The following HMBOX1 variants were observed in gnomAD, a reference collection of about 807,000 sequenced individuals.
HMBOX1 encodes the protein homeobox-containing protein 1.
HMBOX1 carries 14 observed loss-of-function variants against 54.5 expected under a neutral mutation model. The observed-to-expected ratio is 0.26, with a 90% CI of 0.17 to 0.40. The LOEUF (loss-of-function observed/expected upper bound fraction) is 0.40. HMBOX1 is among the 10% of genes least tolerant of loss of function. HMBOX1 has a pLI of 1.00. For synonymous variants in HMBOX1, 160 were observed against 181.0 expected (o/e 0.88, Z 0.93); for missense variants, 332 against 514.4 (o/e 0.65, Z 3.43).
chr8:28,923,263 C>T (rs1399005359), intron 1 of HMBOX1, among the ~76,000 whole-genome samples: 1 of 152,158 alleles, frequency 6.6e-6, no homozygotes, highest in Non-Finnish European at 1.5e-5. Context: ...TTCATATAAA[C>T]AGAATCACGC....
intron 4 of HMBOX1, among the ~76,000 whole-genome samples, chr8:29,007,232 T>G (rs1431648221): frequency 6.6e-6 from 1 of 151,626 alleles, no homozygotes; most frequent in East Asian, 1.9e-4. Context: ...GAGGTTGCAG[T>G]GAACCGAGAT....
intron 4 of HMBOX1, among the ~76,000 whole-genome samples, chr8:28,992,396 A>G (rs964991356): frequency 6.6e-6 from 1 of 152,104 alleles, no homozygotes. Flanking sequence ...GCAGGCAATC[A>G]TTTTTCATTC....
chr8:28,892,703 G>A (rs973095498), intron 1 of HMBOX1, among the ~76,000 whole-genome samples: 3 of 152,084 alleles, frequency 2.0e-5, no homozygotes, highest in South Asian at 2.1e-4. Context: ...GACTGAAAGA[G>A]TGAGGTAGCA....
At chr8:28,931,113 A>AT (rs1014865205) in intron 1 of HMBOX1, among the ~76,000 whole-genome samples, 5 of 152,114 alleles carry the variant, frequency 3.3e-5, no homozygotes, top group Non-Finnish European at 7.4e-5. Context: ...TAAAAAAGTG[A>AT]TTTTTTTGCA....
chr8:28,923,109 T>G (rs1040438441), intron 1 of HMBOX1, among the ~76,000 whole-genome samples: 3 of 152,224 alleles, frequency 2.0e-5, no homozygotes, highest in Non-Finnish European at 4.4e-5. Flanking sequence ...GTCACCACTG[T>G]CTGGTTCAGA....
chr8:28,965,609 C>T (rs1045901760), intron 2 of HMBOX1, among the ~76,000 whole-genome samples: 3 of 152,116 alleles, frequency 2.0e-5, no homozygotes, highest in Non-Finnish European at 4.4e-5. Flanking sequence ...CTGGCTTGAC[C>T]ACCATAGCTG....
At chr8:29,007,589 A>C (rs1833644171) in intron 4 of HMBOX1, among the ~76,000 whole-genome samples, 1 of 152,076 alleles carries the variant, frequency 6.6e-6, no homozygotes, top group Non-Finnish European at 1.5e-5. Context: ...AGGCCAAGGC[A>C]GGAGGACCAC....
intron 1 of HMBOX1, among the ~76,000 whole-genome samples, chr8:28,950,304 A>G (rs1343322506): frequency 6.6e-6 from 1 of 152,214 alleles, no homozygotes; most frequent in South Asian, 2.1e-4. Flanking sequence ...TGGGGATTCT[A>G]TGCTTATAAA....
At chr8:29,009,730 A>G (rs897123199) in intron 5 of HMBOX1, 1 of 1,287,482 alleles carries the variant, frequency 7.8e-7, no homozygotes, top group Non-Finnish European at 1.0e-6. Flanking sequence ...AGATTGGGAA[A>G]GCAGAATGAA....
At chr8:28,959,691 A>G (rs1825118581) in intron 1 of HMBOX1, among the ~76,000 whole-genome samples, 1 of 152,144 alleles carries the variant, frequency 6.6e-6, no homozygotes, top group African/African-American at 2.4e-5. Flanking sequence ...CATAAAATGG[A>G]TTGGAACATT....
intron 1 of HMBOX1, among the ~76,000 whole-genome samples, chr8:28,936,289 C>T (rs1419590666): frequency 6.6e-6 from 1 of 151,982 alleles, no homozygotes; most frequent in Non-Finnish European, 1.5e-5. Flanking sequence ...GAACTGCTCA[C>T]ACTGTTACAC....
chr8:29,049,302 G>T (rs1287795819), intron 9 of HMBOX1: 7 of 1,536,238 alleles, frequency 4.6e-6, no homozygotes, highest in Non-Finnish European at 6.1e-6. Context: ...TACTTGGCAA[G>T]TACGCAATGG....
chr8:28,934,331 TACTAAATACCCAAA>T (rs1820011037), intron 1 of HMBOX1, among the ~76,000 whole-genome samples: 1 of 152,218 alleles, frequency 6.6e-6, no homozygotes, highest in African/African-American at 2.4e-5. Flanking sequence ...AGAGGGTTTC[TACTAAATACCCAAA>T]ACTTAGATTG....
intron 6 of HMBOX1, among the ~76,000 whole-genome samples, chr8:29,022,616 C>G (rs1344464914): frequency 6.6e-6 from 1 of 152,036 alleles, no homozygotes; most frequent in Non-Finnish European, 1.5e-5. Context: ...ACAAAAAACT[C>G]TGTATACAGT....
chr8:29,038,997 T>C (rs13256557), intron 6 of HMBOX1, among the ~76,000 whole-genome samples: 65,469 of 152,012 alleles, frequency 0.43, 15,477 homozygotes, highest in Non-Finnish European at 0.53. Flanking sequence ...CATGGTGTTG[T>C]TTCCTCTGCC....
chr8:28,981,744 A>G (rs776226293), intron 4 of HMBOX1, among the ~76,000 whole-genome samples: 1 of 152,214 alleles, frequency 6.6e-6, no homozygotes, highest in Non-Finnish European at 1.5e-5. Flanking sequence ...AATCATAGTA[A>G]CATATGTTTA....
At chr8:29,043,057 G>A (rs1805075697) in intron 6 of HMBOX1, among the ~76,000 whole-genome samples, 1 of 152,158 alleles carries the variant, frequency 6.6e-6, no homozygotes, top group African/African-American at 2.4e-5. Flanking sequence ...GTATATCTCT[G>A]TGTATCTTGG....
chr8:29,044,676 A>G (rs1200960910), intron 6 of HMBOX1, among the ~76,000 whole-genome samples: 1 of 152,166 alleles, frequency 6.6e-6, no homozygotes, highest in Non-Finnish European at 1.5e-5. Context: ...TGGTATTTTC[A>G]TATTATTATT....
intron 5 of HMBOX1, chr8:29,009,400 C>G: frequency 4.2e-6 from 4 of 945,538 alleles, no homozygotes; most frequent in Non-Finnish European, 5.0e-6. Flanking sequence ...ACTCCTTCCC[C>G]TAAGACACCT....
Sources: gnomAD v4.1 joint callset for allele counts (sites outside exome capture counted in the v4.1 genomes callset) on GRCh38, gnomAD v4.1.1 for gene constraint, MANE v1.5 for transcripts, NCBI Gene and HGNC (gene_info 2026-07-23, HGNC 2026-07-21) for gene names.